The following SCRIB variants were observed in gnomAD, a reference collection of about 807,000 sequenced individuals.
SCRIB encodes the protein protein scribble homolog.
Under a neutral mutation model 170.0 loss-of-function variants are expected in SCRIB, and 72 were observed. The ratio of observed to expected loss-of-function variants is 0.42; its 90% CI spans 0.35 to 0.52. SCRIB has a LOEUF of 0.52. Ranked by LOEUF, SCRIB falls within the 20% of genes least tolerant of loss-of-function variation. The pLI, the probability that SCRIB is intolerant of heterozygous loss-of-function variation, is 0.02. For synonymous variants in SCRIB, 1,298 were observed against 1,044.3 expected (o/e 1.24, Z -4.68); for missense variants, 2,475 against 2,338.5 (o/e 1.06, Z -1.20).
chr8:143,797,921 A>G (rs1380571338), intron 24 of SCRIB, among the ~76,000 whole-genome samples: 1 of 152,258 alleles, frequency 6.6e-6, no homozygotes, highest in East Asian at 1.9e-4. Flanking sequence ...CTGTTTTTGC[A>G]ACTTTTCTCT....
chr8:143,795,134 C>T, intron 26 of SCRIB, 22 bp from the exon 27 acceptor site: 1 of 1,608,614 alleles, frequency 6.2e-7, no homozygotes, highest in South Asian at 1.1e-5. Flanking sequence ...GTGAACACAG[C>T]ACTAGCAGGG....
chr8:143,809,569 G>A lies in SCRIB; in HGVS notation c.1680C>T (p.Ala560=), dbSNP rs201891728. 82 of 1,611,160 alleles carry A rather than the reference G, an allele frequency of 5.1e-5. No individual in the cohort carries two copies. The highest frequency in any genetic ancestry group is 1.2e-4 in the Admixed American group (7 of 59,976). Residue 560 remains alanine, a synonymous_variant, in exon 14 of 37, where the codon GCC becomes GCT. Coordinates refer to ENST00000356994, the MANE Select transcript of SCRIB (RefSeq NM_182706.5). ...EATTAGGEED[A]EEDYQEPTVH... Reference sequence around the variant, plus strand: ...TCCACACCTCCTGGTAGTCCTCTTCGGCGTCTTCCTCCCCGCCAGCAGTCG... The same window carrying A: ...TCCACACCTCCTGGTAGTCCTCTTCAGCGTCTTCCTCCCCGCCAGCAGTCG...
intron 24 of SCRIB, among the ~76,000 whole-genome samples, chr8:143,799,575 G>A (rs1554634634): frequency 6.6e-6 from 1 of 152,222 alleles, no homozygotes; most frequent in African/African-American, 2.4e-5. Context: ...CTAGGTTTGC[G>A]CAGGGGTCGG....
chr8:143,804,082 C>T lies in SCRIB; in HGVS notation c.3084G>A (p.Pro1028=), dbSNP rs544041821. 163 of 1,612,578 alleles carry T rather than the reference C, an allele frequency of 1.0e-4. 1 individual carries two copies. In the South Asian group the frequency reaches 1.5e-3, roughly 15 times the overall value. ...ACACACCAGGCTCCTGGACACCAAA[C>T]GGGTGGCTGGAATGGTCGGAGCCTC... ...IVGGSDHSSH[P]FGVQEPGVFI... is the part of the protein sequence containing the mutation. The change falls in exon 22 of 37, where the codon CCG becomes CCA. Residue 1028 remains proline, a synonymous_variant. Coordinates refer to ENST00000356994, the MANE Select transcript of SCRIB (RefSeq NM_182706.5).
rs782053756 is a variant in SCRIB at position 143,792,565 on chromosome 8, G to A, written c.4248C>T (p.Leu1416=). ...EAAEAGAEAR[L]ALDGETLGEE... ...CGCCCAGCGTCTCCCCGTCCAGGGCGAGCCTCGCTTCGGCCCCAGCCTCTG... is the reference window on the plus strand; with the variant it reads ...CGCCCAGCGTCTCCCCGTCCAGGGCAAGCCTCGCTTCGGCCCCAGCCTCTG... Residue 1416 remains leucine (L), a synonymous_variant, in exon 31 of 37, where the codon CTC becomes CTT. Transcript: ENST00000356994. 2.0e-5 allele frequency: 32 copies of A among 1,574,150 alleles called. No homozygotes were observed. The highest frequency in any genetic ancestry group is 1.0e-4 in the South Asian group (9 of 87,610).
In SCRIB at chr8:143,811,276, C is replaced by A. The variant is rs754776138; in HGVS notation, c.976G>T (p.Ala326Ser). The A allele has an allele frequency of 1.2e-6, 2 of 1,612,524 alleles. No homozygotes were observed. Among genetic ancestry groups the A allele is most frequent in the Non-Finnish European group, 1.7e-6 (2 of 1,179,782 alleles). Residue 326 changes from alanine to serine, a missense_variant, in exon 10 of 37, where the codon GCG (alanine) becomes TCG (serine). By Grantham distance (99) the Ala-to-Ser change is moderately conservative (BLOSUM62 1). Around this residue, in one of 3 missense-constraint regions of SCRIB, gnomAD observed 487 missense variants for 558.1 expected, o/e 0.87. Transcript: ENST00000356994. ...NLNVDRNHLE[A>S]LPPEIGGCVA... Reference sequence around the variant, plus strand: ...CAGCCCCCGATCTCGGGCGGCAGCGCCTCGAGGTGGTTCCGGTCCACGTTG... The same window carrying A: ...CAGCCCCCGATCTCGGGCGGCAGCGACTCGAGGTGGTTCCGGTCCACGTTG...
intron 27 of SCRIB, among the ~76,000 whole-genome samples, chr8:143,794,548 T>A (rs564729418): frequency 6.6e-6 from 1 of 152,144 alleles, no homozygotes; most frequent in South Asian, 2.1e-4. Flanking sequence ...GGCACTCACG[T>A]TCGGTGGGGC....
chr8:143,791,962 A>AT, intron 33 of SCRIB, 29 bp downstream of exon 33: 1 of 1,444,168 alleles, frequency 6.9e-7, no homozygotes, highest in South Asian at 1.4e-5. Flanking sequence ...CGGCAGGCTG[A>AT]CCCCCCCGAC....
At chr8:143,814,681 G>A (rs555807834) in intron 1 of SCRIB, among the ~76,000 whole-genome samples, 6 of 152,184 alleles carry the variant, frequency 3.9e-5, no homozygotes, top group Non-Finnish European at 5.9e-5. Context: ...CCCATCTCCA[G>A]AAAAGAAATA....
At position 143,808,766 on chromosome 8, in the gene SCRIB, C is replaced by G; in HGVS notation, c.1958G>C (p.Trp653Ser). The G allele has an allele frequency of 6.2e-7, 1 of 1,609,540 alleles. No individual in the cohort carries two copies. The highest frequency in any genetic ancestry group is 8.5e-7 in the Non-Finnish European group (1 of 1,177,608). The stretch of plus-strand genomic sequence containing the variant: ...CTCCTCCTTCTGGGCCCGAGGAGCC[C>G]AGGGTGCGTGGGGGCCATTGTGCCA... ...GGWHNGPHAP[W>S]APRAQKEEEE... Residue 653 changes from tryptophan (W) to serine (S), a missense_variant, in exon 15 of 37, where the codon TGG (tryptophan) becomes TCG (serine). Trp to Ser is a radical substitution (Grantham distance 177, BLOSUM62 -3). Around this residue, in one of 3 missense-constraint regions of SCRIB, gnomAD observed 1,966 missense variants for 1,742.9 expected, o/e 1.13. Transcript: ENST00000356994.
chr8:143,811,926 C>T (rs1337817782), intron 9 of SCRIB, among the ~76,000 whole-genome samples: 4 of 152,216 alleles, frequency 2.6e-5, no homozygotes, highest in South Asian at 2.1e-4. Flanking sequence ...GGCAGGCAGA[C>T]GCCCCTGGGG....
At chr8:143,806,772 C>T in intron 17 of SCRIB, 152 bp downstream of exon 17, 1 of 658,408 alleles carries the variant, frequency 1.5e-6, no homozygotes, top group Non-Finnish European at 2.6e-6. Context: ...TGCTCTTGGA[C>T]TTCGGGATCC....
Position 143,790,963 on chromosome 8 carries a change from T to TA in SCRIB, c.*199dup. Reference sequence around the variant, plus strand: ...ACTTTATTCTCCTTAAACCACAAAATAGAGTCTTTGGTTGTACAAACATCA... The same window carrying TA: ...ACTTTATTCTCCTTAAACCACAAAATAAGAGTCTTTGGTTGTACAAACATCA... On this transcript the variant is annotated 3_prime_UTR_variant, in exon 37 of 37. Coordinates refer to ENST00000356994, the MANE Select transcript of SCRIB (RefSeq NM_182706.5). 1 of 479,716 alleles carries TA rather than the reference T, an allele frequency of 2.1e-6. No homozygotes were observed. The highest frequency in any genetic ancestry group is 3.4e-6 in the Non-Finnish European group (1 of 296,094). 29.7% of individuals were successfully genotyped at this position (479,716 alleles called of 1,614,324 possible). A position where few individuals can be genotyped will look rare whatever the true frequency, so the allele number is the denominator to read the frequency against.
chr8:143,814,239 C>A lies in SCRIB; in HGVS notation c.160-121G>T, dbSNP rs1276782094. On this transcript the variant is annotated intron_variant, in intron 1 of 36. Coordinates refer to ENST00000356994, the MANE Select transcript of SCRIB (RefSeq NM_182706.5). ...GGCCTCTGTCTGCTCCAGGTCACAC[C>A]GGGTCCTGGGGTCTAACCACGACAC... 7.4e-6 allele frequency: 6 copies of A among 809,520 alleles called. No homozygotes were observed. The African/African-American group carries it at 1.0e-4, about 14-fold the overall frequency. 50.1% of individuals were successfully genotyped at this position (809,520 alleles called of 1,614,324 possible).
intron 30 of SCRIB, 29 bp from the exon 31 acceptor site, chr8:143,792,664 G>A (rs1554633181): frequency 6.3e-7 from 1 of 1,588,940 alleles, no homozygotes; most frequent in Admixed American, 1.7e-5. Flanking sequence ...GGTCAGGCCA[G>A]ACCAGCCGAG....
chr8:143,813,794 A>G, intron 3 of SCRIB, 24 bp downstream of exon 3: 16 of 1,607,214 alleles, frequency 1.0e-5, no homozygotes, highest in Non-Finnish European at 1.4e-5. Context: ...GCCCCTACCG[A>G]CCCCACCACA....
chr8:143,807,486 G>A lies in SCRIB; in HGVS notation c.2178+66C>T, dbSNP rs1815480947. The A allele has an allele frequency of 2.3e-6, 3 of 1,307,950 alleles. No homozygotes were observed. The Admixed American group carries it at 5.0e-5, about 22-fold the overall frequency. The allele number at this position is 1,307,950 out of a possible 1,614,324, so 81.0% of individuals were successfully genotyped here. On this transcript the variant is annotated intron_variant, in intron 16 of 36. Transcript: ENST00000356994. ...AAGCAACAGGGGCGGGGAGAGGCGT[G>A]AGCCCACAGCCCGGGAAGCAAGGCC... is the stretch of plus-strand genomic sequence containing the variant.
chr8:143,804,849 G>A (rs1815341613), intron 20 of SCRIB, 24 bp from the exon 21 acceptor site: 2 of 1,482,468 alleles, frequency 1.3e-6, no homozygotes, highest in Non-Finnish European at 1.8e-6. Context: ...CCCGAATCAG[G>A]GAGGCCCAAG....
Position 143,793,093 on chromosome 8 carries a change from G to A in SCRIB, c.3910-10C>T. The A allele has an allele frequency of 1.4e-6, 2 of 1,424,904 alleles. No homozygotes were observed. The highest frequency in any genetic ancestry group is 2.6e-5 in the East Asian group (1 of 38,460). The allele number at this position is 1,424,904 out of a possible 1,614,324, so 88.3% of individuals were successfully genotyped here. On this transcript the variant is annotated splice_polypyrimidine_tract_variant and intron_variant, in intron 28 of 36. Transcript: ENST00000356994. ...AAGGCGGGGAGGGCGGCTGGGGGGT[G>A]GGGCTCTTGTGAGCTATGCTGGGGC...
Sources: gnomAD v4.1 joint callset for allele counts (sites outside exome capture counted in the v4.1 genomes callset) on GRCh38, gnomAD v4.1.1 for gene constraint, gnomAD v4.1.1 regional missense constraint, MANE v1.5 for transcripts, NCBI Gene and HGNC (gene_info 2026-07-23, HGNC 2026-07-21) for gene names.